The following FBN1 variants were observed in gnomAD, a reference collection of about 807,000 sequenced individuals.
FBN1 encodes fibrillin-1.
A neutral mutation model predicts 365.1 loss-of-function variants in FBN1; 29 were observed. The observed-to-expected ratio is 0.08, with a 90% CI of 0.06 to 0.11. The LOEUF (loss-of-function observed/expected upper bound fraction) is 0.11, where lower values mean the gene tolerates loss of function less well. FBN1 is among the 10% of genes least tolerant of loss of function. FBN1 has a pLI of 1.00. For synonymous variants in FBN1, 1,210 were observed against 1,270.5 expected (o/e 0.95, Z 1.01); for missense variants, 2,476 against 3,703.2 (o/e 0.67, Z 8.60).
chr15:48,617,504 G>C (rs1378961019), intron 2 of FBN1, among the ~76,000 whole-genome samples: 1 of 152,112 alleles, frequency 6.6e-6, no homozygotes, highest in Non-Finnish European at 1.5e-5. Context: ...TATTCCAATA[G>C]TTTATAGGGG....
chr15:48,480,094 A>C (rs2043455180), intron 32 of FBN1, among the ~76,000 whole-genome samples: 1 of 152,178 alleles, frequency 6.6e-6, no homozygotes, highest in Admixed American at 6.5e-5. Context: ...TAAGGCCTAA[A>C]ATAATCAGCC....
chr15:48,570,887 A>G (rs915807940), intron 6 of FBN1, among the ~76,000 whole-genome samples: 2 of 152,184 alleles, frequency 1.3e-5, no homozygotes, highest in African/African-American at 4.8e-5. Context: ...AGGAAAGGTG[A>G]TTGGAAGGGA....
intron 2 of FBN1, among the ~76,000 whole-genome samples, chr15:48,619,794 A>T (rs1266299950): frequency 6.6e-6 from 1 of 151,916 alleles, no homozygotes; most frequent in Non-Finnish European, 1.5e-5. Context: ...AAACTGAAAT[A>T]ATTTGTACCT....
chr15:48,645,149 C>T (rs1890276447), intron 1 of FBN1, among the ~76,000 whole-genome samples, 199 bp from the exon 2 acceptor site: 1 of 152,248 alleles, frequency 6.6e-6, no homozygotes, highest in Non-Finnish European at 1.5e-5. Context: ...GCCGATCCCT[C>T]GGCCTCCCGG....
At chr15:48,564,364 C>T (rs2044244741) in intron 6 of FBN1, among the ~76,000 whole-genome samples, 1 of 152,148 alleles carries the variant, frequency 6.6e-6, no homozygotes, top group Non-Finnish European at 1.5e-5. Context: ...ACTGCTGGGA[C>T]AGGAAAGCAT....
chr15:48,546,359 A>G (rs1422492875), intron 6 of FBN1, among the ~76,000 whole-genome samples: 2 of 152,252 alleles, frequency 1.3e-5, no homozygotes, highest in African/African-American at 4.8e-5. Context: ...AAAAGTTATC[A>G]GAAAAGACTT....
intron 5 of FBN1, among the ~76,000 whole-genome samples, chr15:48,598,852 T>C (rs1242698991): frequency 9.2e-5 from 14 of 152,222 alleles, no homozygotes; most frequent in Non-Finnish European, 1.9e-4. Context: ...TGAATTCTCA[T>C]ATGTTGTGGG....
intron 6 of FBN1, among the ~76,000 whole-genome samples, chr15:48,576,259 T>C (rs927580384): frequency 6.6e-6 from 1 of 152,232 alleles, no homozygotes; most frequent in African/African-American, 2.4e-5. Flanking sequence ...GTATCCTTTC[T>C]TGCAAGTCAT....
intron 13 of FBN1, among the ~76,000 whole-genome samples, chr15:48,513,216 T>C (rs889853029): frequency 1.3e-5 from 2 of 152,222 alleles, no homozygotes; most frequent in African/African-American, 4.8e-5. Context: ...TAATTTCAAC[T>C]GAAATTTTCC....
At chr15:48,525,557 G>T (rs1227676158) in intron 9 of FBN1, among the ~76,000 whole-genome samples, 1 of 152,104 alleles carries the variant, frequency 6.6e-6, no homozygotes, top group East Asian at 1.9e-4. Flanking sequence ...TGTGCCCTCC[G>T]CAATCCCTGC....
chr15:48,625,834 G>GT (rs59463333), intron 2 of FBN1, among the ~76,000 whole-genome samples: 1,954 of 151,790 alleles, frequency 0.013, 41 homozygotes, highest in African/African-American at 0.044. Context: ...AATTACCAGC[G>GT]TTTTTTTTGT....
At chr15:48,566,284 T>C (rs1387884684) in intron 6 of FBN1, among the ~76,000 whole-genome samples, 4 of 152,234 alleles carry the variant, frequency 2.6e-5, no homozygotes, top group Non-Finnish European at 4.4e-5. Context: ...GTAAATAAAA[T>C]GAAATATAAA....
rs370494288 is a variant in FBN1 at position 48,468,506 on chromosome 15, C to G, written c.4488G>C (p.Thr1496=). 1.2e-6 allele frequency: 2 copies of G among 1,613,996 alleles called. No individual in the cohort carries two copies. Among genetic ancestry groups the G allele is most frequent in the East Asian group, 2.2e-5 (1 of 44,874 alleles). The change falls in exon 37 of 66, where the codon ACG becomes ACC. Residue 1496 remains threonine, a synonymous_variant. Transcript: ENST00000316623. ...TDVNECLDPT[T]CISGNCVNTP... ...TGTTGACACAGTTCCCACTGATGCA[C>G]GTGGTTGGATCCAGGCATTCATTCA...
intron 9 of FBN1, among the ~76,000 whole-genome samples, 183 bp from the exon 10 acceptor site, chr15:48,521,000 G>T (rs564119162): frequency 3.9e-5 from 6 of 152,302 alleles, no homozygotes; most frequent in African/African-American, 1.4e-4. Flanking sequence ...GAAATCCCTG[G>T]TCTCACACCT....
At position 48,472,297 on chromosome 15, in the gene FBN1, T is replaced by C. The variant is rs111422940; in HGVS notation, c.4336+254A>G. 3.9e-3 allele frequency among the ~76,000 whole-genome samples: 587 copies of C among 152,228 alleles called. 7 individuals carry two copies. The highest frequency in any genetic ancestry group is 0.014 in the African/African-American group (564 of 41,534). ...ACACTTGGTTACCCTCATTGACCAA[T>C]GGATACACCCTTGCAGACCATGCGG... On this transcript the variant is annotated intron_variant, in intron 35 of 65. Transcript: ENST00000316623.
chr15:48,585,110 A>G (rs1272696625), intron 6 of FBN1, among the ~76,000 whole-genome samples: 2 of 152,190 alleles, frequency 1.3e-5, no homozygotes, highest in African/African-American at 2.4e-5. Flanking sequence ...TTATAAAAAC[A>G]TTTTCAATTT....
chr15:48,485,332 G>A, intron 30 of FBN1, 42 bp downstream of exon 30: 2 of 1,613,926 alleles, frequency 1.2e-6, no homozygotes, highest in Non-Finnish European at 8.5e-7. Flanking sequence ...CTTTACTTAG[G>A]AACCTACTGA....
At chr15:48,548,663 T>G (rs1213797066) in intron 6 of FBN1, among the ~76,000 whole-genome samples, 1 of 152,190 alleles carries the variant, frequency 6.6e-6, no homozygotes, top group Non-Finnish European at 1.5e-5. Flanking sequence ...ACACTGGGGT[T>G]TCATCTAAGG....
chr15:48,535,297 T>A (rs906868432), intron 7 of FBN1, among the ~76,000 whole-genome samples: 12 of 152,214 alleles, frequency 7.9e-5, no homozygotes, highest in Admixed American at 6.5e-5. Context: ...TTTAATAAAT[T>A]GAATGTCTTC....
Sources: allele counts gnomAD v4.1 joint callset (sites outside exome capture counted in the v4.1 genomes callset), GRCh38; gene constraint gnomAD v4.1.1; transcripts MANE v1.5; gene names NCBI Gene and HGNC (gene_info 2026-07-23, HGNC 2026-07-21).